Variants in NEK5 observed in about 807,000 individuals in gnomAD.
NEK5 encodes the protein serine/threonine-protein kinase Nek5.
A neutral mutation model predicts 109.2 loss-of-function variants in NEK5; 88 were observed. The observed-to-expected ratio is 0.81, with a 90% CI of 0.68 to 0.96. The LOEUF is 0.96. Among genes scored for constraint, NEK5 ranks in the 40% least tolerant of loss-of-function variants. NEK5 has a pLI of 0.00. For missense variants in NEK5, 834 were observed against 920.7 expected (o/e 0.91, Z 1.22); for synonymous variants, 283 against 299.9 (o/e 0.94, Z 0.58).
At chr13:52,051,589 G>T (rs1307356821) in intron 22 of NEK5, among the ~76,000 whole-genome samples, 1 of 152,188 alleles carries the variant, frequency 6.6e-6, no homozygotes, top group Non-Finnish European at 1.5e-5. Context: ...ACTGATTTTT[G>T]TGTGTGCAAT....
chr13:52,107,224 C>G (rs1955673310), intron 8 of NEK5, among the ~76,000 whole-genome samples: 1 of 151,754 alleles, frequency 6.6e-6, no homozygotes, highest in Non-Finnish European at 1.5e-5. Flanking sequence ...TGTGGCAGGC[C>G]AGGTCTTACC....
Position 52,087,497 on chromosome 13 carries a change from C to T in NEK5, c.1276-43G>A, listed in dbSNP as rs369871537. On this transcript the variant is annotated intron_variant, in intron 14 of 23. Coordinates refer to ENST00000684899, the MANE Select transcript of NEK5 (RefSeq NM_001365552.1). ...TAATTTATAATGCATACTTTGATTT[C>T]GGAAACATCTTCTGATTTGACATTG... is the stretch of plus-strand genomic sequence containing the variant. 2.7e-5 allele frequency: 25 copies of T among 941,664 alleles called. No homozygotes were observed. The East Asian group carries it at 2.7e-4, about 10-fold the overall frequency. The allele number at this position is 941,664 out of a possible 1,614,324, so 58.3% of individuals were successfully genotyped here. A position where few individuals can be genotyped will look rare whatever the true frequency, so the allele number is the denominator to read the frequency against.
chr13:52,065,406 A>G lies in NEK5; in HGVS notation c.1975+78T>C, dbSNP rs1954670208. The G allele has an allele frequency of 5.6e-6, 9 of 1,599,044 alleles. No individual in the cohort carries two copies. The East Asian group carries it at 2.0e-4, about 36-fold the overall frequency. On this transcript the variant is annotated intron_variant, in intron 21 of 23. Transcript: ENST00000684899. ...TAGGGTGTATAGTGAGAAGTAGACT[A>G]TCACATCAGGATGAGCACTGGGCTG... is the stretch of plus-strand genomic sequence containing the variant.
chr13:52,052,443 T>C (rs780215841), intron 22 of NEK5, among the ~76,000 whole-genome samples: 7 of 152,128 alleles, frequency 4.6e-5, no homozygotes, highest in African/African-American at 9.7e-5. Context: ...AAGACTCCTA[T>C]TGGGGATGGG....
chr13:52,112,824 C>T (rs1955782689), intron 4 of NEK5, among the ~76,000 whole-genome samples: 1 of 152,100 alleles, frequency 6.6e-6, no homozygotes, highest in African/African-American at 2.4e-5. Context: ...ACAATAGAAA[C>T]TCTTATAACT....
At position 52,108,310 on chromosome 13, in the gene NEK5, C is replaced by T. The variant is rs764407896; in HGVS notation, c.554+8G>A. On this transcript the variant is annotated splice_region_variant and intron_variant, in intron 8 of 23. Coordinates refer to ENST00000684899, the MANE Select transcript of NEK5 (RefSeq NM_001365552.1). ...CTGACACTTTCAAACTAAGAGTCAG[C>T]AACTTACGTTTTATTGTTGTAGGGT... 1.3e-6 allele frequency: 2 copies of T among 1,566,314 alleles called. No individual in the cohort carries two copies. Among genetic ancestry groups the T allele is most frequent in the South Asian group, 1.1e-5 (1 of 87,562 alleles).
At chr13:52,091,839 C>G (rs1473378282) in intron 13 of NEK5, among the ~76,000 whole-genome samples, 1 of 152,048 alleles carries the variant, frequency 6.6e-6, no homozygotes, top group African/African-American at 2.4e-5. Flanking sequence ...ACCATAAGAC[C>G]AATTTAAGAA....
intron 12 of NEK5, among the ~76,000 whole-genome samples, chr13:52,097,745 G>C (rs1955445971): frequency 6.6e-6 from 1 of 152,088 alleles, no homozygotes; most frequent in Non-Finnish European, 1.5e-5. Context: ...TAAGCCTTGG[G>C]GGACTGTTGA....
intron 22 of NEK5, among the ~76,000 whole-genome samples, chr13:52,051,620 A>G (rs1316688988): frequency 6.6e-6 from 1 of 152,190 alleles, no homozygotes; most frequent in African/African-American, 2.4e-5. Context: ...TCACTGATAA[A>G]AGCTGTAGTT....
chr13:52,098,272 A>G (rs1955460653), intron 12 of NEK5, among the ~76,000 whole-genome samples: 1 of 49,624 alleles, frequency 2.0e-5, no homozygotes, highest in South Asian at 5.1e-4. Flanking sequence ...AAATAAATAA[A>G]TAAATAAATA....
chr13:52,044,580 A>G lies in NEK5; in HGVS notation c.2228+5524T>C, dbSNP rs951340848. ...TATAAAGTAAATGAACTATCAATATATACAACAACATGAATAAGTCTCAAA... is the reference window on the plus strand; with the variant it reads ...TATAAAGTAAATGAACTATCAATATGTACAACAACATGAATAAGTCTCAAA... On this transcript the variant is annotated intron_variant, in intron 23 of 23. Coordinates refer to ENST00000684899, the MANE Select transcript of NEK5 (RefSeq NM_001365552.1). 2.6e-5 allele frequency among the ~76,000 whole-genome samples: 4 copies of G among 152,350 alleles called. No individual in the cohort carries two copies. In the East Asian group the frequency reaches 7.7e-4, roughly 29 times the overall value.
At chr13:52,053,236 G>C (rs958307031) in intron 22 of NEK5, among the ~76,000 whole-genome samples, 3 of 152,204 alleles carry the variant, frequency 2.0e-5, no homozygotes, top group African/African-American at 7.2e-5. Flanking sequence ...GGGAGGTAGA[G>C]GGTGCAGTGA....
At chr13:52,070,767 G>A (rs1196681969) in intron 20 of NEK5, among the ~76,000 whole-genome samples, 1 of 152,200 alleles carries the variant, frequency 6.6e-6, no homozygotes, top group Non-Finnish European at 1.5e-5. Context: ...AAATACTAGA[G>A]AAAGAAGGTC....
At chr13:52,096,310 G>A (rs1443657486) in intron 12 of NEK5, among the ~76,000 whole-genome samples, 1 of 152,196 alleles carries the variant, frequency 6.6e-6, no homozygotes, top group Admixed American at 6.5e-5. Context: ...GCGGAGGTTG[G>A]AAGAGCGTGG....
At chr13:52,080,838 C>T (rs953471178) in intron 17 of NEK5, among the ~76,000 whole-genome samples, 13 of 150,650 alleles carry the variant, frequency 8.6e-5, no homozygotes, top group Non-Finnish European at 1.5e-4. Flanking sequence ...CACTGTTGTC[C>T]TATGACCCTG....
At chr13:52,124,883 C>A (rs1956034436) in intron 3 of NEK5, among the ~76,000 whole-genome samples, 1 of 152,116 alleles carries the variant, frequency 6.6e-6, no homozygotes, top group Non-Finnish European at 1.5e-5. Context: ...TGGGCTGGAG[C>A]CACTTGAAGG....
intron 17 of NEK5, among the ~76,000 whole-genome samples, chr13:52,077,328 T>C (rs1333860301): frequency 6.6e-6 from 1 of 152,104 alleles, no homozygotes; most frequent in Non-Finnish European, 1.5e-5. Flanking sequence ...AAATCAAACA[T>C]ATAATAGATA....
At chr13:52,111,109 T>G (rs1167437176) in intron 5 of NEK5, among the ~76,000 whole-genome samples, 1 of 152,224 alleles carries the variant, frequency 6.6e-6, no homozygotes, top group East Asian at 1.9e-4. Flanking sequence ...CTTTGAAGTT[T>G]AGTTTTATTT....
At chr13:52,092,675 C>T (rs1955312451) in intron 13 of NEK5, among the ~76,000 whole-genome samples, 1 of 152,122 alleles carries the variant, frequency 6.6e-6, no homozygotes, top group East Asian at 1.9e-4. Context: ...CACCTGAGGT[C>T]AGGAGTTCAA....
Sources: allele counts gnomAD v4.1 joint callset (sites outside exome capture counted in the v4.1 genomes callset), GRCh38; gene constraint gnomAD v4.1.1; transcripts MANE v1.5; gene names NCBI Gene and HGNC (gene_info 2026-07-23, HGNC 2026-07-21).